The following RASGRF2 variants were observed in gnomAD, a reference collection of about 807,000 sequenced individuals.
RASGRF2 encodes Ras protein specific guanine nucleotide releasing factor 2, also known as ras-specific guanine nucleotide-releasing factor 2.
Under a neutral mutation model 151.0 loss-of-function variants are expected in RASGRF2, and 76 were observed. The observed-to-expected ratio is 0.50, with a 90% CI of 0.42 to 0.61. The LOEUF is 0.61. Ranked by LOEUF, RASGRF2 falls within the 20% of genes least tolerant of loss-of-function variation. The probability of loss-of-function intolerance (pLI) is 0.00; values close to 1 mark genes in which losing one functional copy is unlikely to be tolerated. For missense variants in RASGRF2, 1,148 were observed against 1,564.6 expected, an observed-to-expected ratio of 0.73 and a Z score of 4.49; for synonymous variants, 504 against 566.5, an observed-to-expected ratio of 0.89 and a Z score of 1.57.
At position 81,053,228 on chromosome 5, in the gene RASGRF2, AACT is replaced by A. The variant is rs781728758; in HGVS notation, c.395+10246_395+10248del. 2.9e-3 allele frequency among the ~76,000 whole-genome samples: 439 copies of A among 149,534 alleles called. 2 individuals are homozygous for A. Among genetic ancestry groups the A allele is most frequent in the Non-Finnish European group, 2.7e-3 (185 of 67,374 alleles). On this transcript the variant is annotated intron_variant, in intron 2 of 26. Coordinates refer to ENST00000265080, the MANE Select transcript of RASGRF2 (RefSeq NM_006909.3). ...GCCATGTTGGTGTGCTGCACCCATT[AACT>A]CATCATTTACATTAGGTATATCTCC...
chr5:81,080,452 A>G lies in RASGRF2; in HGVS notation c.968-144A>G, dbSNP rs147949709. The G allele has an allele frequency of 5.2e-4, 550 of 1,057,056 alleles. 1 individual carries two copies. The African/African-American group carries it at 7.8e-3, about 15-fold the overall frequency. 65.5% of individuals were successfully genotyped at this position (1,057,056 alleles called of 1,614,324 possible). ...CAAGTGCTGCCCATGAGTGCATTCTACCAGATCATCATTCAGGCATCAGGG... is the reference window on the plus strand; with the variant it reads ...CAAGTGCTGCCCATGAGTGCATTCTGCCAGATCATCATTCAGGCATCAGGG... On this transcript the variant is annotated intron_variant, in intron 6 of 26. Coordinates refer to ENST00000265080, the MANE Select transcript of RASGRF2 (RefSeq NM_006909.3).
chr5:81,052,300 G>A (rs1751037172), intron 2 of RASGRF2, among the ~76,000 whole-genome samples: 1 of 152,092 alleles, frequency 6.6e-6, no homozygotes, highest in Admixed American at 6.5e-5. Flanking sequence ...TACCATTAGT[G>A]ATGTTCTGTT....
At chr5:81,017,595 A>G (rs1749679242) in intron 1 of RASGRF2, among the ~76,000 whole-genome samples, 1 of 152,230 alleles carries the variant, frequency 6.6e-6, no homozygotes, top group African/African-American at 2.4e-5. Context: ...AGATTTGACA[A>G]TAAAGAATGA....
intron 1 of RASGRF2, among the ~76,000 whole-genome samples, chr5:81,002,118 A>G (rs1580189072): frequency 6.6e-6 from 1 of 152,196 alleles, no homozygotes; most frequent in South Asian, 2.1e-4. Context: ...TATTTTTGAA[A>G]AGGATATCAA....
chr5:81,056,446 GT>G (rs1751214853), intron 2 of RASGRF2, among the ~76,000 whole-genome samples: 1 of 152,218 alleles, frequency 6.6e-6, no homozygotes, highest in Non-Finnish European at 1.5e-5. Context: ...TTTTGAGTGA[GT>G]TTCTTAATCC....
rs771377771 is a variant in RASGRF2, at chr5:81,085,907, T to C, written c.1267T>C (p.Ser423Pro). ...EFAKSKLEELSRVMHDEVSDT... is the reference protein window; with the variant it reads ...EFAKSKLEELPRVMHDEVSDT... Reference sequence around the variant, plus strand: ...TGCCAAATCAAAGCTAGAGGAACTATCCAGGTATGCCAAGAACTTATAACA... The same window carrying C: ...TGCCAAATCAAAGCTAGAGGAACTACCCAGGTATGCCAAGAACTTATAACA... Residue 423 changes from serine to proline, a missense_variant, in exon 8 of 27, where the codon TCC (serine) becomes CCC (proline). Ser to Pro is a moderately conservative substitution (Grantham distance 74). This residue lies in a region of RASGRF2 where 176 missense variants were observed against 309.6 expected (regional missense o/e 0.57). Coordinates refer to ENST00000265080, the MANE Select transcript of RASGRF2 (RefSeq NM_006909.3). 1.9e-6 allele frequency: 3 copies of C among 1,614,094 alleles called. No homozygotes were observed. Among genetic ancestry groups the C allele is most frequent in the Non-Finnish European group, 2.5e-6 (3 of 1,179,992 alleles).
At chr5:81,188,042 A>G (rs922137460) in intron 18 of RASGRF2, among the ~76,000 whole-genome samples, 5 of 152,158 alleles carry the variant, frequency 3.3e-5, no homozygotes, top group Non-Finnish European at 5.9e-5. Context: ...ACAACCAGCT[A>G]TTGAGCAGGC....
rs568504387 is a variant in RASGRF2 at position 81,003,466 on chromosome 5, G to T, written c.289-39411G>T. Among the ~76,000 whole-genome samples, 78 of 152,164 alleles carry T rather than the reference G, an allele frequency of 5.1e-4. No individual in the cohort carries two copies. The Middle Eastern group carries it at 0.014, about 27-fold the overall frequency. On this transcript the variant is annotated intron_variant, in intron 1 of 26. Coordinates refer to ENST00000265080, the MANE Select transcript of RASGRF2 (RefSeq NM_006909.3). ...TCTCGATCTACTGACCTCGTGATCTGCCCGCCTTGGCCTCCCAAAGTGCTG... is the reference window on the plus strand; with the variant it reads ...TCTCGATCTACTGACCTCGTGATCTTCCCGCCTTGGCCTCCCAAAGTGCTG...
chr5:81,059,572 C>T (rs757703378), intron 2 of RASGRF2, among the ~76,000 whole-genome samples: 2 of 151,856 alleles, frequency 1.3e-5, no homozygotes, highest in Admixed American at 6.6e-5. Flanking sequence ...CTGGGCTGGG[C>T]GCGGTGGCTC....
At chr5:81,142,463 C>G (rs1398107657) in intron 17 of RASGRF2, among the ~76,000 whole-genome samples, 1 of 152,186 alleles carries the variant, frequency 6.6e-6, no homozygotes, top group Non-Finnish European at 1.5e-5. Context: ...CCTGTGTAAC[C>G]TGTTTTAGCA....
chr5:80,980,211 G>C (rs1264656783), intron 1 of RASGRF2, among the ~76,000 whole-genome samples: 3 of 152,210 alleles, frequency 2.0e-5, no homozygotes, highest in Admixed American at 6.5e-5. Context: ...GGTAAGGGCT[G>C]TCTTGCCTCC....
rs572461432 is a variant in RASGRF2, at chr5:80,973,541, A to T, written c.288+12515A>T. Among the ~76,000 whole-genome samples the T allele has an allele frequency of 5.3e-5, 8 of 152,356 alleles. No homozygotes were observed. The South Asian group carries it at 1.7e-3, about 32-fold the overall frequency. Reference sequence around the variant, plus strand: ...TAAAACTTATGCAGAATTAAGTTTGAATCCTGGAGGTCCCTTTAAGCTTTG... The same window carrying T: ...TAAAACTTATGCAGAATTAAGTTTGTATCCTGGAGGTCCCTTTAAGCTTTG... On this transcript the variant is annotated intron_variant, in intron 1 of 26. Transcript: ENST00000265080.
chr5:81,036,669 A>C (rs989289949), intron 1 of RASGRF2, among the ~76,000 whole-genome samples: 2 of 151,964 alleles, frequency 1.3e-5, no homozygotes, highest in Admixed American at 6.6e-5. Context: ...ATATTTTATC[A>C]ATTTTTTTTT....
At chr5:81,021,232 T>A (rs966563693) in intron 1 of RASGRF2, among the ~76,000 whole-genome samples, 2 of 152,206 alleles carry the variant, frequency 1.3e-5, no homozygotes, top group African/African-American at 2.4e-5. Context: ...CAGCTCAGAT[T>A]TATCTTTTAG....
At chr5:80,990,014 C>G (rs1245547227) in intron 1 of RASGRF2, among the ~76,000 whole-genome samples, 1 of 152,106 alleles carries the variant, frequency 6.6e-6, no homozygotes, top group Non-Finnish European at 1.5e-5. Context: ...TTCTCCCCAC[C>G]ACCTACCTTA....
rs1347334037 is a variant in RASGRF2 at position 80,960,529 on chromosome 5, G to A, written c.-210G>A. On this transcript the variant is annotated 5_prime_UTR_variant, in exon 1 of 27. Transcript: ENST00000265080. The surrounding 1 kb of genome is among the most constrained non-coding windows in gnomAD (Gnocchi z 5.5). Reference sequence around the variant, plus strand: ...CCGGGAGGGTGGTGGTTAGGGCGGAGAGCGTGCCTCGGCCCCAGCCCGCGC... The same window carrying A: ...CCGGGAGGGTGGTGGTTAGGGCGGAAAGCGTGCCTCGGCCCCAGCCCGCGC... The A allele has an allele frequency of 1.3e-4, 40 of 313,696 alleles. 1 individual carries two copies. The highest frequency in any genetic ancestry group is 1.2e-3 in the East Asian group (21 of 17,660). The allele number at this position is 313,696 out of a possible 1,614,324, so 19.4% of individuals were successfully genotyped here.
intron 1 of RASGRF2, among the ~76,000 whole-genome samples, chr5:81,025,324 C>T (rs777851960): frequency 1.3e-5 from 2 of 152,166 alleles, no homozygotes; most frequent in Non-Finnish European, 2.9e-5. Context: ...TTAGCCCTTC[C>T]GATTCTTGCA....
chr5:81,149,731 A>G (rs1308448085), intron 17 of RASGRF2, among the ~76,000 whole-genome samples: 5 of 152,088 alleles, frequency 3.3e-5, no homozygotes, highest in Admixed American at 2.6e-4. Context: ...GCCCTGTCAC[A>G]TTGTTCTTTC....
intron 1 of RASGRF2, among the ~76,000 whole-genome samples, chr5:80,961,831 A>G (rs1747569089): frequency 6.6e-6 from 1 of 152,202 alleles, no homozygotes; most frequent in Non-Finnish European, 1.5e-5. Flanking sequence ...TAGTGATCCC[A>G]GCCCCTCATT....
Sources: allele counts gnomAD v4.1 joint callset (sites outside exome capture counted in the v4.1 genomes callset), GRCh38; gene constraint gnomAD v4.1.1; regional missense constraint gnomAD v4.1.1; non-coding constraint Gnocchi (gnomAD v3.1); transcripts MANE v1.5; gene names NCBI Gene and HGNC (gene_info 2026-07-23, HGNC 2026-07-21).